Variants in NUDT16L1 observed in about 807,000 individuals in gnomAD.
NUDT16L1 encodes nudix hydrolase 16 like 1.
A neutral mutation model predicts 17.3 loss-of-function variants in NUDT16L1; 19 were observed. That is an observed-to-expected ratio of 1.10 (90% CI 0.77 to 1.61). The LOEUF (loss-of-function observed/expected upper bound fraction) is 1.61, where lower values mean the gene tolerates loss of function less well. Ranked by LOEUF, NUDT16L1 falls within the 40% of genes most tolerant of loss-of-function variation. The pLI, the probability that NUDT16L1 is intolerant of heterozygous loss-of-function variation, is 0.00. For missense variants in NUDT16L1, 341 were observed against 292.0 expected, an observed-to-expected ratio of 1.17 and a Z score of -1.22; for synonymous variants, 255 against 138.6, an observed-to-expected ratio of 1.84 and a Z score of -5.90.
At position 4,695,846 on chromosome 16, in the gene NUDT16L1, CTG is replaced by C. The variant is rs1319106160; in HGVS notation, c.*673_*674del. ...ACAATAAAGTCGCTCCGCAGCTGCTCTGTGTGTTTCTCAGCTGCCCTGTGTGT... is the reference window on the plus strand; with the variant it reads ...ACAATAAAGTCGCTCCGCAGCTGCTCTGTGTTTCTCAGCTGCCCTGTGTGT... On this transcript the variant is annotated 3_prime_UTR_variant, in exon 3 of 3. Transcript: ENST00000304301. 6.0e-6 allele frequency: 2 copies of C among 331,760 alleles called. No homozygotes were observed. The highest frequency in any genetic ancestry group is 5.4e-6 in the Non-Finnish European group (1 of 183,924). The allele number at this position is 331,760 out of a possible 1,614,324, so 20.6% of individuals were successfully genotyped here. A position where few individuals can be genotyped will look rare whatever the true frequency, so the allele number is the denominator to read the frequency against.
At chr16:4,694,458 A>G in intron 2 of NUDT16L1, 1 of 1,523,600 alleles carries the variant, frequency 6.6e-7, no homozygotes, top group Non-Finnish European at 8.8e-7. Context: ...GGGCTGTGTT[A>G]CATCCGCCTT....
At chr16:4,694,582 T>G in intron 2 of NUDT16L1, 1 of 1,440,520 alleles carries the variant, frequency 6.9e-7, no homozygotes, top group Non-Finnish European at 9.1e-7. Flanking sequence ...CAGCGGGGGT[T>G]GTAAAACTTG....
exon 1 of NUDT16L1, chr16:4,693,707 G>C: frequency 2.0e-6 from 3 of 1,483,616 alleles, no homozygotes; most frequent in Non-Finnish European, 2.7e-6. Flanking sequence ...GGCAGCGGCG[G>C]GGACGGGGTC....
exon 3 of NUDT16L1, chr16:4,695,207 C>A (rs1222612080): frequency 6.2e-7 from 1 of 1,601,968 alleles, no homozygotes; most frequent in Admixed American, 1.7e-5. Flanking sequence ...GGCACCCTCC[C>A]CTGGGCCGGA....
upstream of NUDT16L1, chr16:4,693,600 G>C: frequency 4.4e-6 from 5 of 1,139,278 alleles, no homozygotes; most frequent in Non-Finnish European, 5.7e-6. Context: ...TCGGTCCCGG[G>C]GCGCGCCGGC....
exon 3 of NUDT16L1, chr16:4,695,399 T>C: frequency 1.7e-6 from 1 of 598,586 alleles, no homozygotes; most frequent in Non-Finnish European, 3.0e-6. Context: ...CCGGGCACAC[T>C]GGGCCTGCCT....
At chr16:4,693,770 T>G (rs2079476505) in exon 1 of NUDT16L1, 2 of 1,562,940 alleles carry the variant, frequency 1.3e-6, no homozygotes, top group African/African-American at 1.4e-5. Context: ...ATCAGCCGGG[T>G]GGAGGCGATG....
exon 1 of NUDT16L1, chr16:4,693,768 G>C (rs2079476383): frequency 1.3e-6 from 2 of 1,564,836 alleles, no homozygotes; most frequent in Non-Finnish European, 1.7e-6. Context: ...AGATCAGCCG[G>C]GTGGAGGCGA....
At chr16:4,694,900 G>T in intron 2 of NUDT16L1, 58 bp from the exon 3 acceptor site, 11 of 1,546,470 alleles carry the variant, frequency 7.1e-6, no homozygotes, top group Non-Finnish European at 1.7e-6. Context: ...GGCCCCTCCT[G>T]CTGGAGGTGC....
exon 3 of NUDT16L1, chr16:4,695,268 C>A: frequency 7.5e-7 from 1 of 1,329,604 alleles, no homozygotes; most frequent in Non-Finnish European, 1.0e-6. Context: ...GTGTGTACCC[C>A]GCTTCTGACT....
intron 1 of NUDT16L1, 41 bp downstream of exon 1, chr16:4,693,920 GC>G: frequency 6.7e-7 from 1 of 1,488,400 alleles, no homozygotes; most frequent in Non-Finnish European, 8.8e-7. Flanking sequence ...GCCGGCGCGG[GC>G]GGGCCCGGGC....
chr16:4,695,389 C>T (rs1489199418), exon 3 of NUDT16L1: 2 of 604,504 alleles, frequency 3.3e-6, no homozygotes, highest in Non-Finnish European at 2.9e-6. Flanking sequence ...GCAGGGTGGT[C>T]CGGGCACACT....
At chr16:4,693,674 C>G, upstream of NUDT16L1, 2 of 1,376,676 alleles carry the variant, frequency 1.5e-6, no homozygotes, top group South Asian at 3.4e-5. Context: ...ACGGCGGGGG[C>G]GGGCTCGCGC....
In NUDT16L1 at chr16:4,694,955, C is replaced by G. The variant is rs763000103; in HGVS notation, c.415-3C>G. 5.6e-6 allele frequency: 9 copies of G among 1,605,960 alleles called. No individual in the cohort carries two copies. The highest frequency in any genetic ancestry group is 7.6e-6 in the Non-Finnish European group (9 of 1,178,920). ...CCCCAACCCCTACCTCCTGTCTGCG[C>G]AGGTGCTGGGCCTCGTGCGGGTCCC... On this transcript the variant is annotated splice_polypyrimidine_tract_variant and splice_region_variant and intron_variant, in intron 2 of 2. Transcript: ENST00000304301.
chr16:4,695,078 G>A (rs200699768), exon 3 of NUDT16L1: 1 of 1,613,536 alleles, frequency 6.2e-7, no homozygotes, highest in East Asian at 2.2e-5. Flanking sequence ...TGCCCTCAAG[G>A]TGCTCAACAT....
exon 3 of NUDT16L1, chr16:4,695,275 G>A (rs1484357835): frequency 7.8e-7 from 1 of 1,275,392 alleles, no homozygotes; most frequent in African/African-American, 1.5e-5. Flanking sequence ...CCCCGCTTCT[G>A]ACTGCCTAGG....
chr16:4,693,580 T>C, upstream of NUDT16L1: 1 of 918,396 alleles, frequency 1.1e-6, no homozygotes, highest in Non-Finnish European at 1.4e-6. Flanking sequence ...ACCGCGGCGC[T>C]GCGAGGGGCT....
In NUDT16L1 at chr16:4,693,712, G is replaced by A. The variant is rs374655486; in HGVS notation, c.-15G>A. On this transcript the variant is annotated 5_prime_UTR_variant, in exon 1 of 3. Transcript: ENST00000304301. ...GCTCTTAAGTGGCAGCGGCGGGGAC[G>A]GGGTCAGTGCCAAGATGTCGACGGC... The A allele has an allele frequency of 1.5e-5, 22 of 1,488,604 alleles. No homozygotes were observed. The African/African-American group carries it at 1.6e-4, about 11-fold the overall frequency. The allele number at this position is 1,488,604 out of a possible 1,614,324, so 92.2% of individuals were successfully genotyped here. A position where few individuals can be genotyped will look rare whatever the true frequency, so the allele number is the denominator to read the frequency against.
At chr16:4,694,321 C>T (rs912036198) in intron 2 of NUDT16L1, 83 bp downstream of exon 2, 3 of 1,480,344 alleles carry the variant, frequency 2.0e-6, no homozygotes, top group Middle Eastern at 1.7e-4. Context: ...AACACGTCTC[C>T]TGAGGGTCCC....
Sources: gnomAD v4.1 joint callset for allele counts on GRCh38, gnomAD v4.1.1 for gene constraint, MANE v1.5 for transcripts, NCBI Gene and HGNC (gene_info 2026-07-23, HGNC 2026-07-21) for gene names.